Variants in ACOT13 observed in about 807,000 individuals in gnomAD.
The protein encoded by ACOT13 is acyl-CoA thioesterase 13.
ACOT13 carries 10 observed loss-of-function variants against 11.8 expected under a neutral mutation model. That is an observed-to-expected ratio of 0.85 (90% CI 0.53 to 1.44). The LOEUF is 1.44. Among genes scored for constraint, ACOT13 ranks in the 40% most tolerant of loss-of-function variants. The probability of loss-of-function intolerance (pLI) is 0.00; values close to 1 mark genes in which losing one functional copy is unlikely to be tolerated. For synonymous variants in ACOT13, 53 were observed against 61.0 expected (o/e 0.87, Z 0.61); for missense variants, 172 against 174.1 (o/e 0.99, Z 0.07).
intron 1 of ACOT13, among the ~76,000 whole-genome samples, chr6:24,668,876 A>G (rs909746262): frequency 3.3e-5 from 5 of 152,116 alleles, no homozygotes; most frequent in African/African-American, 9.7e-5. Context: ...GGTACTTTCA[A>G]TTTCCCATCT....
At chr6:24,668,502 T>G (rs558272241) in intron 1 of ACOT13, among the ~76,000 whole-genome samples, 2 of 152,358 alleles carry the variant, frequency 1.3e-5, no homozygotes, top group African/African-American at 4.8e-5. Flanking sequence ...ATTACAGGCA[T>G]GAGCCACCAT....
chr6:24,673,426 T>C (rs1382299774), intron 1 of ACOT13, among the ~76,000 whole-genome samples: 3 of 152,174 alleles, frequency 2.0e-5, no homozygotes, highest in Non-Finnish European at 4.4e-5. Flanking sequence ...ACTGGTGCAA[T>C]CTTGGCTCAC....
chr6:24,687,964 C>T (rs1778659938), intron 1 of ACOT13, among the ~76,000 whole-genome samples: 1 of 151,950 alleles, frequency 6.6e-6, no homozygotes. Context: ...CCTCCTGCCT[C>T]AGCCTCCCAA....
intron 1 of ACOT13, among the ~76,000 whole-genome samples, chr6:24,684,632 T>C (rs904417205): frequency 1.3e-5 from 2 of 152,222 alleles, no homozygotes; most frequent in African/African-American, 4.8e-5. Context: ...GAGTGATATC[T>C]GTAGTTATAA....
chr6:24,685,700 G>T (rs778745786), intron 1 of ACOT13, among the ~76,000 whole-genome samples: 7 of 152,070 alleles, frequency 4.6e-5, no homozygotes, highest in African/African-American at 1.2e-4. Flanking sequence ...CTCAGTTGGA[G>T]GTGATTTTGC....
intron 1 of ACOT13, among the ~76,000 whole-genome samples, chr6:24,681,408 T>C (rs9366579): frequency 0.074 from 11,265 of 152,348 alleles, 1,272 homozygotes; most frequent in East Asian, 0.45. Context: ...AACAGTGGTA[T>C]TGGAGTATTA....
Position 24,673,992 on chromosome 6 carries a change from CTCT to C in ACOT13, c.81+6650_81+6652del, listed in dbSNP as rs565092734. On this transcript the variant is annotated intron_variant, in intron 1 of 2. Transcript: ENST00000230048. ...TTTTATAACTTCCTTTACAACATCT[CTCT>C]TATTTCCTGATTCCTTTACCTTGTT... Among the ~76,000 whole-genome samples, 608 of 152,298 alleles carry C rather than the reference CTCT, an allele frequency of 4.0e-3. 5 individuals are homozygous for C. Among genetic ancestry groups the C allele is most frequent in the Non-Finnish European group, 3.9e-3 (268 of 68,018 alleles).
intron 2 of ACOT13, among the ~76,000 whole-genome samples, chr6:24,700,628 G>C (rs1019385635): frequency 6.6e-6 from 1 of 151,780 alleles, no homozygotes; most frequent in Non-Finnish European, 1.5e-5. Context: ...TTGAGACGGG[G>C]TTTCACCACG....
At chr6:24,698,845 C>T (rs1278051484) in intron 2 of ACOT13, among the ~76,000 whole-genome samples, 2 of 152,038 alleles carry the variant, frequency 1.3e-5, no homozygotes, top group Non-Finnish European at 2.9e-5. Context: ...ACCATGTTGG[C>T]CAGGCTGGTC....
intron 1 of ACOT13, among the ~76,000 whole-genome samples, chr6:24,683,905 A>G (rs1002455872): frequency 6.6e-6 from 1 of 150,448 alleles, no homozygotes; most frequent in Non-Finnish European, 1.5e-5. Flanking sequence ...TTGGGGCCCA[A>G]GATATTTTCT....
chr6:24,699,208 C>CTTT (rs1248890393), intron 2 of ACOT13, among the ~76,000 whole-genome samples: 36 of 127,080 alleles, frequency 2.8e-4, no homozygotes, highest in African/African-American at 9.1e-4. Context: ...ATAATGTAGG[C>CTTT]TTTTTTTTTT....
At position 24,702,745 on chromosome 6, in the gene ACOT13, T is replaced by A. The variant is rs1778914131; in HGVS notation, c.*1130T>A. 1 of 152,170 alleles carries A rather than the reference T, an allele frequency of 6.6e-6. No individual in the cohort carries two copies. Among genetic ancestry groups the A allele is most frequent in the Admixed American group, 6.5e-5 (1 of 15,276 alleles). The allele number at this position is 152,170 out of a possible 1,614,324, so 9.4% of individuals were successfully genotyped here. ...AAGAAAAGTTTGAGGCTAAGCATGTTAGTGTTACAGGAAATGGTCCAATAG... is the reference window on the plus strand; with the variant it reads ...AAGAAAAGTTTGAGGCTAAGCATGTAAGTGTTACAGGAAATGGTCCAATAG... On this transcript the variant is annotated 3_prime_UTR_variant, in exon 3 of 3. Transcript: ENST00000230048.
chr6:24,703,956 A>C lies in ACOT13; in HGVS notation c.*2341A>C, dbSNP rs891097959. 5 of 152,218 alleles carry C rather than the reference A, an allele frequency of 3.3e-5. No individual in the cohort carries two copies. The highest frequency in any genetic ancestry group is 1.2e-4 in the African/African-American group (5 of 41,454). 9.4% of individuals were successfully genotyped at this position (152,218 alleles called of 1,614,324 possible). A position where few individuals can be genotyped will look rare whatever the true frequency, so the allele number is the denominator to read the frequency against. On this transcript the variant is annotated 3_prime_UTR_variant, in exon 3 of 3. Coordinates refer to ENST00000230048, the MANE Select transcript of ACOT13 (RefSeq NM_018473.4). The stretch of plus-strand genomic sequence containing the variant: ...AAAACATAGAGGTCATGGAACACAT[A>C]AAGGCTAAGGAACTGTTCCACATTA...
At chr6:24,686,335 C>A (rs962350211) in intron 1 of ACOT13, among the ~76,000 whole-genome samples, 6 of 152,008 alleles carry the variant, frequency 3.9e-5, no homozygotes, top group African/African-American at 1.4e-4. Flanking sequence ...CTGTGTTAGT[C>A]CATTTGCGTT....
At chr6:24,678,370 C>T (rs1778490540) in intron 1 of ACOT13, among the ~76,000 whole-genome samples, 1 of 152,138 alleles carries the variant, frequency 6.6e-6, no homozygotes, top group African/African-American at 2.4e-5. Context: ...CTTGCACTAA[C>T]CTCCACTGTC....
intron 1 of ACOT13, among the ~76,000 whole-genome samples, chr6:24,675,766 T>A (rs577828955): frequency 6.6e-6 from 1 of 152,334 alleles, no homozygotes; most frequent in South Asian, 2.1e-4. Flanking sequence ...TGGCTTTTGT[T>A]GCCATTGCTT....
At chr6:24,698,345 G>GAA (rs34446614) in intron 2 of ACOT13, among the ~76,000 whole-genome samples, 1 of 152,108 alleles carries the variant, frequency 6.6e-6, no homozygotes, top group East Asian at 1.9e-4. Context: ...GATGCAGGGG[G>GAA]AAAAATCACA....
At chr6:24,670,796 A>G (rs1386900823) in intron 1 of ACOT13, among the ~76,000 whole-genome samples, 1 of 152,198 alleles carries the variant, frequency 6.6e-6, no homozygotes, top group Non-Finnish European at 1.5e-5. Context: ...AAAGATCAGC[A>G]ATGTTTAAGC....
chr6:24,679,822 AC>A (rs1466536474), intron 1 of ACOT13, among the ~76,000 whole-genome samples: 2 of 152,250 alleles, frequency 1.3e-5, no homozygotes, highest in Admixed American at 6.5e-5. Context: ...GATTGTCCTA[AC>A]CCTTATAAAA....
Sources: allele counts gnomAD v4.1 joint callset (sites outside exome capture counted in the v4.1 genomes callset), GRCh38; gene constraint gnomAD v4.1.1; transcripts MANE v1.5; gene names NCBI Gene and HGNC (gene_info 2026-07-23, HGNC 2026-07-21).